The following GRIA4 variants were observed in gnomAD, a reference collection of about 807,000 sequenced individuals.
GRIA4 encodes the protein glutamate receptor 4.
Under a neutral mutation model 104.0 loss-of-function variants are expected in GRIA4, and 34 were observed. The ratio of observed to expected loss-of-function variants is 0.33; its 90% CI spans 0.25 to 0.44. GRIA4 has a LOEUF of 0.44. Ranked by LOEUF, GRIA4 falls within the 20% of genes least tolerant of loss-of-function variation. GRIA4 has a pLI of 1.00. For synonymous variants in GRIA4, 386 were observed against 381.9 expected (o/e 1.01, Z -0.13); for missense variants, 750 against 1,096.5 (o/e 0.68, Z 4.46).
chr11:105,840,606 C>A (rs1350513986), intron 4 of GRIA4, among the ~76,000 whole-genome samples: 1 of 152,148 alleles, frequency 6.6e-6, no homozygotes, highest in African/African-American at 2.4e-5. Context: ...CTGTCATAGA[C>A]TTAAAAGGTT....
intron 4 of GRIA4, among the ~76,000 whole-genome samples, chr11:105,770,496 C>T (rs1287985966): frequency 6.6e-6 from 1 of 152,016 alleles, no homozygotes; most frequent in Non-Finnish European, 1.5e-5. Flanking sequence ...AAAATAAACG[C>T]AAAATTTATT....
chr11:105,713,682 A>C (rs774341259), intron 3 of GRIA4, among the ~76,000 whole-genome samples: 19 of 152,158 alleles, frequency 1.2e-4, no homozygotes, highest in Non-Finnish European at 1.5e-5. Context: ...AAAGTTTTTA[A>C]TTTGGGATTG....
chr11:105,688,875 G>A (rs367744172), intron 3 of GRIA4, among the ~76,000 whole-genome samples: 1 of 151,978 alleles, frequency 6.6e-6, no homozygotes, highest in African/African-American at 2.4e-5. Context: ...AAGTCTTACC[G>A]CTGTTTATAT....
At chr11:105,762,695 T>C (rs2135720194) in intron 4 of GRIA4, among the ~76,000 whole-genome samples, 1 of 152,266 alleles carries the variant, frequency 6.6e-6, no homozygotes, top group South Asian at 2.1e-4. Context: ...AGTGAATAAG[T>C]CTCACGAGAT....
intron 3 of GRIA4, among the ~76,000 whole-genome samples, chr11:105,717,751 G>A (rs892851564): frequency 4.0e-5 from 6 of 151,110 alleles, no homozygotes; most frequent in Non-Finnish European, 7.4e-5. Flanking sequence ...TAGGGTACAT[G>A]TGCACAATGT....
At chr11:105,900,647 C>T (rs925965469) in intron 7 of GRIA4, among the ~76,000 whole-genome samples, 1 of 152,180 alleles carries the variant, frequency 6.6e-6, no homozygotes, top group South Asian at 2.1e-4. Flanking sequence ...AGTGCAGTGT[C>T]GCGATCTCGC....
chr11:105,951,935 C>T (rs941620937), intron 14 of GRIA4, among the ~76,000 whole-genome samples: 26 of 152,080 alleles, frequency 1.7e-4, no homozygotes, highest in African/African-American at 6.3e-4. Context: ...TTCACTCCAG[C>T]CTGGGCAACA....
chr11:105,803,345 T>A (rs935792854), intron 4 of GRIA4, among the ~76,000 whole-genome samples: 1 of 151,972 alleles, frequency 6.6e-6, no homozygotes, highest in East Asian at 1.9e-4. Flanking sequence ...TTTGCCACTA[T>A]GAAATTTAGA....
intron 11 of GRIA4, among the ~76,000 whole-genome samples, chr11:105,923,612 G>T (rs1947627248): frequency 6.6e-6 from 1 of 152,086 alleles, no homozygotes; most frequent in Admixed American, 6.6e-5. Context: ...GGTAAACAGG[G>T]AAAAAGTATC....
At chr11:105,802,467 A>G (rs947524602) in intron 4 of GRIA4, among the ~76,000 whole-genome samples, 3 of 152,168 alleles carry the variant, frequency 2.0e-5, no homozygotes, top group Admixed American at 1.3e-4. Flanking sequence ...GTCAAGATGT[A>G]GAAAGTATTA....
intron 4 of GRIA4, among the ~76,000 whole-genome samples, chr11:105,782,376 G>A (rs1421160603): frequency 6.6e-6 from 1 of 152,184 alleles, no homozygotes; most frequent in East Asian, 1.9e-4. Context: ...GCTTCTCTGA[G>A]ACTCTTAAAA....
At chr11:105,734,810 T>C (rs1308368085) in intron 3 of GRIA4, among the ~76,000 whole-genome samples, 2 of 152,182 alleles carry the variant, frequency 1.3e-5, no homozygotes, top group Non-Finnish European at 2.9e-5. Flanking sequence ...TACTATCCTT[T>C]ATTCCTTTAT....
chr11:105,698,747 T>C (rs1166712686), intron 3 of GRIA4, among the ~76,000 whole-genome samples: 3 of 152,226 alleles, frequency 2.0e-5, no homozygotes, highest in Admixed American at 1.3e-4. Flanking sequence ...TTGTTATCTG[T>C]CATATTTGTT....
chr11:105,794,479 A>ATG (rs1942381158), intron 4 of GRIA4, among the ~76,000 whole-genome samples: 1 of 94,776 alleles, frequency 1.1e-5, no homozygotes, highest in Admixed American at 9.7e-5. Context: ...GTATGTATAT[A>ATG]TATATATATA....
At chr11:105,655,378 G>A (rs1361307097) in intron 3 of GRIA4, among the ~76,000 whole-genome samples, 1 of 151,998 alleles carries the variant, frequency 6.6e-6, no homozygotes, top group African/African-American at 2.4e-5. Flanking sequence ...TGGGATACAT[G>A]TGCAGAATGT....
At chr11:105,677,883 ACT>A (rs2135456584) in intron 3 of GRIA4, among the ~76,000 whole-genome samples, 1 of 152,034 alleles carries the variant, frequency 6.6e-6, no homozygotes, top group South Asian at 2.1e-4. Context: ...GGTCACAGAG[ACT>A]CTGTAGATTA....
At chr11:105,755,491 AC>A (rs1391671602) in intron 4 of GRIA4, among the ~76,000 whole-genome samples, 1 of 152,144 alleles carries the variant, frequency 6.6e-6, no homozygotes, top group East Asian at 1.9e-4. Flanking sequence ...CTTCTTAGGA[AC>A]CTAGAGTAAT....
At chr11:105,874,839 T>C (rs1338611489) in intron 5 of GRIA4, among the ~76,000 whole-genome samples, 1 of 152,230 alleles carries the variant, frequency 6.6e-6, no homozygotes, top group Non-Finnish European at 1.5e-5. Context: ...TTTCTAAATA[T>C]ACAATCATGT....
At chr11:105,969,506 G>A (rs1173807951) in intron 14 of GRIA4, among the ~76,000 whole-genome samples, 1 of 152,182 alleles carries the variant, frequency 6.6e-6, no homozygotes, top group Non-Finnish European at 1.5e-5. Context: ...GAGGGAAAAA[G>A]AAGGCCATAG....
Sources: allele counts gnomAD v4.1 joint callset (sites outside exome capture counted in the v4.1 genomes callset), GRCh38; gene constraint gnomAD v4.1.1; transcripts MANE v1.5; gene names NCBI Gene and HGNC (gene_info 2026-07-23, HGNC 2026-07-21).